The following BBX variants were observed in gnomAD, a reference collection of about 807,000 sequenced individuals.
BBX encodes HMG box transcription factor BBX.
In BBX, 30 loss-of-function variants were observed where a neutral mutation model predicts 100.2. The ratio of observed to expected loss-of-function variants is 0.30; its 90% CI spans 0.22 to 0.41. The LOEUF is 0.41. BBX is among the 10% of genes least tolerant of loss of function. The pLI is 1.00. For missense variants in BBX, 1,023 were observed against 1,129.8 expected (o/e 0.91, Z 1.35); for synonymous variants, 376 against 388.1 (o/e 0.97, Z 0.37).
rs116190746 is a variant in BBX at position 107,697,871 on chromosome 3, C to A, written c.-9-12581C>A. On this transcript the variant is annotated intron_variant, in intron 3 of 17. Coordinates refer to ENST00000325805, the MANE Select transcript of BBX (RefSeq NM_001142568.3). ...GAGACTCCGTGGGCGTACGACCCTCCGAGCCAGGTGTGGGTTATAATCTGC... is the reference window on the plus strand; with the variant it reads ...GAGACTCCGTGGGCGTACGACCCTCAGAGCCAGGTGTGGGTTATAATCTGC... 2.1e-4 allele frequency among the ~76,000 whole-genome samples: 32 copies of A among 151,778 alleles called. 2 individuals are homozygous for A. Among genetic ancestry groups the A allele is most frequent in the African/African-American group, 7.3e-4 (30 of 41,106 alleles).
At chr3:107,671,851 G>A (rs779258754) in intron 3 of BBX, among the ~76,000 whole-genome samples, 165 of 152,134 alleles carry the variant, frequency 1.1e-3, no homozygotes, top group Non-Finnish European at 1.8e-3. Context: ...ATGACCACAC[G>A]AATGCAGCCT....
chr3:107,678,432 A>T (rs1002456520), intron 3 of BBX, among the ~76,000 whole-genome samples: 1 of 152,232 alleles, frequency 6.6e-6, no homozygotes, highest in Middle Eastern at 3.4e-3. Context: ...GTTAGAAGTT[A>T]TTATGGGCCT....
At chr3:107,674,874 T>G (rs2059203799) in intron 3 of BBX, 1 of 151,476 alleles carries the variant, frequency 6.6e-6, no homozygotes, top group Non-Finnish European at 1.5e-5. Flanking sequence ...CAGAGTGTTT[T>G]TAAGAAGTAA....
chr3:107,654,278 G>A (rs9817115), intron 3 of BBX, among the ~76,000 whole-genome samples: 9,187 of 152,164 alleles, frequency 0.06, 415 homozygotes, highest in Middle Eastern at 0.11. Flanking sequence ...CTGTTAAAAT[G>A]CTGGGTGTTG....
At chr3:107,564,271 A>G (rs769346151) in intron 2 of BBX, among the ~76,000 whole-genome samples, 41 of 152,062 alleles carry the variant, frequency 2.7e-4, no homozygotes, top group Non-Finnish European at 4.0e-4. Context: ...CTTTACATAT[A>G]TAGTCTGTAT....
intron 5 of BBX, among the ~76,000 whole-genome samples, chr3:107,724,891 G>A (rs1357789973): frequency 6.6e-6 from 1 of 152,188 alleles, no homozygotes; most frequent in Non-Finnish European, 1.5e-5. Context: ...GGCAATGCGG[G>A]TTCCTTTTTG....
intron 2 of BBX, among the ~76,000 whole-genome samples, chr3:107,591,119 G>T (rs2053274661): frequency 6.6e-6 from 1 of 152,192 alleles, no homozygotes; most frequent in Admixed American, 6.5e-5. Context: ...CCAGTCTTAA[G>T]TATAGTATAA....
chr3:107,733,568 C>T (rs2063452651), intron 7 of BBX, among the ~76,000 whole-genome samples: 1 of 152,158 alleles, frequency 6.6e-6, no homozygotes, highest in African/African-American at 2.4e-5. Context: ...TCACAACCTC[C>T]CAGGCTCAGG....
intron 1 of BBX, among the ~76,000 whole-genome samples, chr3:107,525,091 GC>G (rs1197285580): frequency 6.7e-6 from 1 of 149,538 alleles, no homozygotes; most frequent in Non-Finnish European, 1.5e-5. Context: ...CCTGCGCGCC[GC>G]CGCCACCTCT....
At chr3:107,570,957 G>C (rs1229796007) in intron 2 of BBX, among the ~76,000 whole-genome samples, 1 of 152,156 alleles carries the variant, frequency 6.6e-6, no homozygotes, top group Non-Finnish European at 1.5e-5. Flanking sequence ...AAATCATCCA[G>C]ATAAAATGGA....
intron 2 of BBX, among the ~76,000 whole-genome samples, chr3:107,533,651 GT>G (rs1407891168): frequency 3.3e-5 from 5 of 152,120 alleles, no homozygotes; most frequent in Non-Finnish European, 5.9e-5. Flanking sequence ...TGATTCCTTT[GT>G]TGTTGTTTTT....
chr3:107,794,878 A>G (rs1465916921), intron 15 of BBX, among the ~76,000 whole-genome samples: 1 of 152,156 alleles, frequency 6.6e-6, no homozygotes, highest in Non-Finnish European at 1.5e-5. Flanking sequence ...ACATTTTGGG[A>G]TCAGATTTTG....
At chr3:107,726,547 G>C (rs571005560) in intron 5 of BBX, among the ~76,000 whole-genome samples, 56 of 152,140 alleles carry the variant, frequency 3.7e-4, no homozygotes, top group African/African-American at 1.2e-3. Context: ...TACAGTTACA[G>C]AGTGTTGACC....
chr3:107,645,876 A>G lies in BBX; in HGVS notation c.-43A>G, dbSNP rs1328603774. Reference sequence around the variant, plus strand: ...CAGAAGCTGGAAGTTCTGATGTTCCACTGAAATCACAATGGAAAGTCTTGA... The same window carrying G: ...CAGAAGCTGGAAGTTCTGATGTTCCGCTGAAATCACAATGGAAAGTCTTGA... On this transcript the variant is annotated 5_prime_UTR_variant, in exon 3 of 18. Transcript: ENST00000325805. 1 of 152,596 alleles carries G rather than the reference A, an allele frequency of 6.6e-6. No homozygotes were observed. Among genetic ancestry groups the G allele is most frequent in the Non-Finnish European group, 1.5e-5 (1 of 68,022 alleles). 9.5% of individuals were successfully genotyped at this position (152,596 alleles called of 1,614,324 possible). A position where few individuals can be genotyped will look rare whatever the true frequency, so the allele number is the denominator to read the frequency against.
At chr3:107,796,158 T>G (rs1241468585) in intron 15 of BBX, among the ~76,000 whole-genome samples, 1 of 152,222 alleles carries the variant, frequency 6.6e-6, no homozygotes, top group African/African-American at 2.4e-5. Context: ...GTTAGTAAAT[T>G]TAAAAGTCAG....
Position 107,728,837 on chromosome 3 carries a change from C to T in BBX, c.478C>T (p.Pro160Ser). The part of the protein sequence containing the change: ...CPTTNKPVKS[P>S]TPTVNPRKKL... ...TACCACAAACAAGCCTGTGAAATCC[C>T]CAACACCCACTGTCAATCCACGAAA... Residue 160 changes from proline to serine, a missense_variant, in exon 6 of 18, where the codon CCA (proline) becomes TCA (serine). By Grantham distance (74) the Pro-to-Ser change is moderately conservative. Coordinates refer to ENST00000325805, the MANE Select transcript of BBX (RefSeq NM_001142568.3). 1 of 1,613,876 alleles carries T rather than the reference C, an allele frequency of 6.2e-7. No individual in the cohort carries two copies. Among genetic ancestry groups the T allele is most frequent in the African/African-American group, 1.3e-5 (1 of 75,006 alleles).
chr3:107,697,320 T>A (rs2060688641), intron 3 of BBX, among the ~76,000 whole-genome samples: 1 of 152,006 alleles, frequency 6.6e-6, no homozygotes, highest in East Asian at 1.9e-4. Context: ...TTTCCCCATC[T>A]TTGTGGTTTT....
intron 3 of BBX, among the ~76,000 whole-genome samples, chr3:107,660,573 T>C (rs1411804341): frequency 2.7e-5 from 4 of 148,730 alleles, no homozygotes; most frequent in Admixed American, 1.3e-4. Context: ...GGCAGAGCAG[T>C]ACTGTACTTT....
intron 2 of BBX, among the ~76,000 whole-genome samples, chr3:107,540,311 C>T (rs941483390): frequency 1.3e-5 from 2 of 152,074 alleles, no homozygotes; most frequent in African/African-American, 4.8e-5. Flanking sequence ...CTTTGGTAAC[C>T]TCATATCTTA....
Sources: allele counts gnomAD v4.1 joint callset (sites outside exome capture counted in the v4.1 genomes callset), GRCh38; gene constraint gnomAD v4.1.1; transcripts MANE v1.5; gene names NCBI Gene and HGNC (gene_info 2026-07-23, HGNC 2026-07-21).